The following HSD17B4 variants were observed in gnomAD, a reference collection of about 807,000 sequenced individuals.
HSD17B4 encodes the protein hydroxysteroid 17-beta dehydrogenase 4, also known as peroxisomal multifunctional enzyme type 2.
HSD17B4 carries 70 observed loss-of-function variants against 101.0 expected under a neutral mutation model. That is an observed-to-expected ratio of 0.69 (90% CI 0.57 to 0.85). The LOEUF (loss-of-function observed/expected upper bound fraction) is 0.85. HSD17B4 is among the 40% of genes least tolerant of loss of function. HSD17B4 has a pLI of 0.00. For missense variants in HSD17B4, 984 were observed against 892.4 expected, an observed-to-expected ratio of 1.10 and a Z score of -1.31; for synonymous variants, 347 against 297.1, an observed-to-expected ratio of 1.17 and a Z score of -1.73.
intron 8 of HSD17B4, among the ~76,000 whole-genome samples, chr5:119,482,076 CATCACTCCTTCAA>C (rs1214985355): frequency 1.3e-5 from 2 of 152,040 alleles, no homozygotes; most frequent in East Asian, 3.9e-4. Context: ...CATTCTCAGC[CATCACTCCTTCAA>C]ATACTTCTGC....
At position 119,531,392 on chromosome 5, in the gene HSD17B4, G is replaced by T; in HGVS notation, c.1981G>T (p.Gly661Trp). The T allele has an allele frequency of 6.2e-7, 1 of 1,612,972 alleles. No homozygotes were observed. Among genetic ancestry groups the T allele is most frequent in the Middle Eastern group, 1.7e-4 (1 of 6,052 alleles). Residue 661 changes from glycine (G) to tryptophan (W), a missense_variant, in exon 22 of 24, where the codon GGG (glycine) becomes TGG (tryptophan). Transcript: ENST00000510025. ...GCATATAACCAAAGGCGGAAATATTGGGGCTAAGTGGAGTAAGTTATAGCC... is the reference window on the plus strand; with the variant it reads ...GCATATAACCAAAGGCGGAAATATTTGGGCTAAGTGGAGTAAGTTATAGCC... ...EWHITKGGNIGAKWTIDLKSG... is the reference protein window; with the variant it reads ...EWHITKGGNIWAKWTIDLKSG...
intron 23 of HSD17B4, among the ~76,000 whole-genome samples, chr5:119,540,940 G>A (rs2678076): frequency 0.63 from 95,041 of 152,008 alleles, 30,284 homozygotes; most frequent in East Asian, 0.93. Flanking sequence ...ATTGACAGCT[G>A]TAATTCTTAA....
intron 8 of HSD17B4, among the ~76,000 whole-genome samples, chr5:119,484,465 A>T (rs1342564045): frequency 6.6e-6 from 1 of 152,132 alleles, no homozygotes; most frequent in Non-Finnish European, 1.5e-5. Flanking sequence ...CACTTTCTTT[A>T]AACATTTGAA....
At chr5:119,478,466 T>G (rs1415671355) in intron 7 of HSD17B4, among the ~76,000 whole-genome samples, 1 of 152,216 alleles carries the variant, frequency 6.6e-6, no homozygotes, top group East Asian at 1.9e-4. Flanking sequence ...ATGAGGCATT[T>G]AATATTATTC....
At chr5:119,481,792 A>G (rs1749160698) in intron 8 of HSD17B4, among the ~76,000 whole-genome samples, 1 of 152,210 alleles carries the variant, frequency 6.6e-6, no homozygotes, top group South Asian at 2.1e-4. Context: ...ATAGCATGAT[A>G]AAGTGGAATA....
intron 2 of HSD17B4, chr5:119,471,719 G>A (rs746013367): frequency 7.7e-7 from 1 of 1,299,406 alleles, no homozygotes; most frequent in South Asian, 1.4e-5. Context: ...CTTAAGTTCT[G>A]TTTTTCCAAG....
chr5:119,516,936 C>T lies in HSD17B4; in HGVS notation c.1503+1890C>T, dbSNP rs183115594. Among the ~76,000 whole-genome samples, 6 of 152,356 alleles carry T rather than the reference C, an allele frequency of 3.9e-5. No homozygotes were observed. The East Asian group carries it at 7.7e-4, about 20-fold the overall frequency. ...GACATGTAGAAGTGAGAGGTGACAG[C>T]GTGCTGGCAGTCCTCACAGCCCTCG... On this transcript the variant is annotated intron_variant, in intron 17 of 23. Transcript: ENST00000510025.
intron 14 of HSD17B4, among the ~76,000 whole-genome samples, chr5:119,506,191 G>C (rs898012579): frequency 6.6e-6 from 1 of 151,980 alleles, no homozygotes; most frequent in Non-Finnish European, 1.5e-5. Flanking sequence ...GACAGGCCCC[G>C]GTGTGTGATG....
chr5:119,525,331 A>G (rs1367887073), intron 18 of HSD17B4, 46 bp downstream of exon 18: 3 of 1,134,914 alleles, frequency 2.6e-6, no homozygotes, highest in South Asian at 1.2e-5. Context: ...TAGCTATTCG[A>G]TATTTAATTA....
chr5:119,502,165 GT>G, intron 14 of HSD17B4, 73 bp downstream of exon 14: 2 of 970,230 alleles, frequency 2.1e-6, no homozygotes, highest in South Asian at 2.6e-5. Context: ...CAACATCAGT[GT>G]GTTAAACTGG....
rs199606262 is a variant in HSD17B4, at chr5:119,507,783, CAA to C, written c.1333+908_1333+909del. Reference sequence around the variant, plus strand: ...TGGGTGACTGAGCAAGACTCTGTACCAAAAAAAAAAAAAAATTTGTACATTTT... The same window carrying C: ...TGGGTGACTGAGCAAGACTCTGTACCAAAAAAAAAAAAATTTGTACATTTT... On this transcript the variant is annotated intron_variant, in intron 15 of 23. Transcript: ENST00000510025. Among the ~76,000 whole-genome samples the C allele has an allele frequency of 4.7e-3, 554 of 116,826 alleles. 7 individuals carry two copies. Among genetic ancestry groups the C allele is most frequent in the African/African-American group, 0.015 (513 of 35,094 alleles). 76.6% of individuals were successfully genotyped at this position (116,826 alleles called of 152,430 possible). A position where few individuals can be genotyped will look rare whatever the true frequency, so the allele number is the denominator to read the frequency against.
chr5:119,452,503 C>T lies in HSD17B4; in HGVS notation c.-73C>T, dbSNP rs1754138417. 4 of 1,611,690 alleles carry T rather than the reference C, an allele frequency of 2.5e-6. 1 individual carries two copies. In the South Asian group the frequency reaches 3.3e-5, roughly 13 times the overall value. ...CCCTCGTCCCGCCCCCGCCATTCCCCGCCTCCTCCTGTCCCGCAGTCGGCG... is the reference window on the plus strand; with the variant it reads ...CCCTCGTCCCGCCCCCGCCATTCCCTGCCTCCTCCTGTCCCGCAGTCGGCG... On this transcript the variant is annotated 5_prime_UTR_variant, in exon 1 of 24. Transcript: ENST00000510025.
chr5:119,461,721 C>CAAA (rs545291977), intron 2 of HSD17B4, among the ~76,000 whole-genome samples: 4 of 74,894 alleles, frequency 5.3e-5, no homozygotes, highest in African/African-American at 2.1e-4. Context: ...CTGTCTTTGC[C>CAAA]AAAAAAAAAA....
In HSD17B4 at chr5:119,523,047, T is replaced by A. The variant is rs112831172; in HGVS notation, c.1504-2169T>A. The stretch of plus-strand genomic sequence containing the variant: ...GAAAAGTGGTGTTTATTTTGAGACT[T>A]ACTGGAATTTGAACTCTGCAGTGTT... On this transcript the variant is annotated intron_variant, in intron 17 of 23. Coordinates refer to ENST00000510025, the MANE Select transcript of HSD17B4 (RefSeq NM_000414.4). Among the ~76,000 whole-genome samples the A allele has an allele frequency of 8.9e-4, 122 of 137,224 alleles. 1 individual carries two copies. The highest frequency in any genetic ancestry group is 3.7e-3 in the Middle Eastern group (1 of 268). 90.0% of individuals were successfully genotyped at this position (137,224 alleles called of 152,430 possible).
Position 119,499,471 on chromosome 5 carries a change from C to T in HSD17B4, c.1127C>T (p.Thr376Ile). The part of the protein sequence containing the change: ...EGSSDFSCLP[T>I]FGVIIGQKSM... ...AGTTCTGATTTCTCCTGTTTGCCCA[C>T]CTTCGGAGTTATCATAGGTCAGAAA... The change falls in exon 13 of 24, where the codon ACC becomes ATC. Residue 376 changes from threonine (T) to isoleucine (I), a missense_variant. Transcript: ENST00000510025. 1 of 1,613,728 alleles carries T rather than the reference C, an allele frequency of 6.2e-7. No homozygotes were observed. The highest frequency in any genetic ancestry group is 1.3e-5 in the African/African-American group (1 of 75,004).
intron 14 of HSD17B4, among the ~76,000 whole-genome samples, chr5:119,504,096 G>C (rs924352473): frequency 1.3e-4 from 20 of 152,156 alleles, no homozygotes. Context: ...CCATGTTGCT[G>C]CGGAGCACAT....
chr5:119,531,351 A>G lies in HSD17B4; in HGVS notation c.1940A>G (p.Asn647Ser), dbSNP rs925111361. ...GGGCCTGAGGTGGTGAAGAAAGTAA[A>G]TGCTGTATTTGAGTGGCATATAACC... ...DIGPEVVKKV[N>S]AVFEWHITKG... The change falls in exon 22 of 24, where the codon AAT becomes AGT. Residue 647 changes from asparagine (N) to serine (S), a missense_variant. Transcript: ENST00000510025. 1.2e-6 allele frequency: 2 copies of G among 1,613,570 alleles called. No homozygotes were observed. Among genetic ancestry groups the G allele is most frequent in the Non-Finnish European group, 1.7e-6 (2 of 1,179,720 alleles).
intron 15 of HSD17B4, among the ~76,000 whole-genome samples, chr5:119,508,089 C>T (rs1751823524): frequency 6.6e-6 from 1 of 150,492 alleles, no homozygotes; most frequent in Non-Finnish European, 1.5e-5. Flanking sequence ...TGTTCTTTAT[C>T]TTCCTTCTCC....
Position 119,535,354 on chromosome 5 carries a change from A to G in HSD17B4, c.1994-1069A>G, listed in dbSNP as rs997094169. Among the ~76,000 whole-genome samples, 3 of 152,134 alleles carry G rather than the reference A, an allele frequency of 2.0e-5. No individual in the cohort carries two copies. The South Asian group carries it at 6.2e-4, about 32-fold the overall frequency. On this transcript the variant is annotated intron_variant, in intron 22 of 23. Coordinates refer to ENST00000510025, the MANE Select transcript of HSD17B4 (RefSeq NM_000414.4). ...ATTATTATTCATTACTAAAATGAAG[A>G]AAGAAAAAGAATTGATCAGGGTCCC...
Sources: allele counts gnomAD v4.1 joint callset (sites outside exome capture counted in the v4.1 genomes callset), GRCh38; gene constraint gnomAD v4.1.1; transcripts MANE v1.5; gene names NCBI Gene and HGNC (gene_info 2026-07-23, HGNC 2026-07-21).